PLEKHG3: variants seen among roughly 807,000 people sequenced by gnomAD.
PLEKHG3 encodes the protein pleckstrin homology domain-containing family G member 3.
In PLEKHG3, 62 loss-of-function variants were observed where a neutral mutation model predicts 94.9. That is an observed-to-expected ratio of 0.65 (90% CI 0.53 to 0.81). The LOEUF (loss-of-function observed/expected upper bound fraction) is 0.81. Among genes scored for constraint, PLEKHG3 ranks in the 30% least tolerant of loss-of-function variants. PLEKHG3 has a pLI of 0.00. For synonymous variants in PLEKHG3, 614 were observed against 654.0 expected (o/e 0.94, Z 0.93); for missense variants, 1,461 against 1,619.3 (o/e 0.90, Z 1.68).
intron 1 of PLEKHG3, among the ~76,000 whole-genome samples, chr14:64,709,600 T>A (rs1184348333): frequency 1.3e-5 from 2 of 152,104 alleles, no homozygotes; most frequent in Non-Finnish European, 2.9e-5. Flanking sequence ...GAGCTGGGAC[T>A]GGAAGGGAAA....
In PLEKHG3 at chr14:64,715,979, C is replaced by T. The variant is rs1324474790; in HGVS notation, c.-40+11275C>T. 4.4e-6 allele frequency: 2 copies of T among 451,958 alleles called. No individual in the cohort carries two copies. The highest frequency in any genetic ancestry group is 2.0e-5 in the African/African-American group (1 of 49,828). The allele number at this position is 451,958 out of a possible 1,614,324, so 28.0% of individuals were successfully genotyped here. ...ATTCCCGAGGCTGTTGGTGGCAGCT[C>T]GCTGCTCACCCCAAGCCTGTTAACT... On this transcript the variant is annotated intron_variant, in intron 1 of 16. Transcript: ENST00000247226. The surrounding 1 kb of genome is among the most constrained non-coding windows in gnomAD (Gnocchi z 4.4).
At chr14:64,707,240 C>G (rs573865235) in intron 1 of PLEKHG3, among the ~76,000 whole-genome samples, 5 of 152,314 alleles carry the variant, frequency 3.3e-5, no homozygotes, top group African/African-American at 1.2e-4. Context: ...CCCCAGCGGA[C>G]CTGGCAGATC....
Position 64,732,842 on chromosome 14 carries a change from A to C in PLEKHG3, c.1286A>C (p.Lys429Thr), listed in dbSNP as rs540503184. ...RYRCSPERLKKAWSSQDEVST... is the reference protein window; with the variant it reads ...RYRCSPERLKTAWSSQDEVST... ...CGCTGCAGCCCAGAGCGGCTGAAGAAGGCTTGGTCCTCCCAGGATGAGGTG... is the reference window on the plus strand; with the variant it reads ...CGCTGCAGCCCAGAGCGGCTGAAGACGGCTTGGTCCTCCCAGGATGAGGTG... Residue 429 changes from lysine to threonine, a missense_variant, in exon 12 of 17, where the codon AAG becomes ACG. Lys to Thr is a moderately conservative substitution (Grantham distance 78, BLOSUM62 -1). Transcript: ENST00000247226. This position sits in a 1 kb window ranked among gnomAD's most constrained non-coding sequence, Gnocchi z 4.9. 3 of 1,611,164 alleles carry C rather than the reference A, an allele frequency of 1.9e-6. No homozygotes were observed. The South Asian group carries it at 3.3e-5, about 18-fold the overall frequency.
In PLEKHG3 at chr14:64,743,019, G is replaced by A. The variant is rs1456061950; in HGVS notation, c.2976G>A (p.Glu992=). 6.2e-7 allele frequency: 1 copy of A among 1,613,014 alleles called. No homozygotes were observed. The highest frequency in any genetic ancestry group is 1.1e-5 in the South Asian group (1 of 91,084). ...CGGTGCTGTCTCTATTTGACTATGA[G>A]CAGCTGATGGCCCAGGAGCACAGCC... ...RKPVLSLFDY[E]QLMAQEHSPP... is the part of the protein sequence containing the mutation. The change falls in exon 17 of 17, where the codon GAG becomes GAA. Residue 992 remains glutamate (E), a synonymous_variant. Coordinates refer to ENST00000247226, the MANE Select transcript of PLEKHG3 (RefSeq NM_001308147.2). The surrounding 1 kb of genome is among the most constrained non-coding windows in gnomAD (Gnocchi z 7.2).
chr14:64,743,491 G>A lies in PLEKHG3; in HGVS notation c.3448G>A (p.Gly1150Arg). The change falls in exon 17 of 17, where the codon GGA (glycine) becomes AGA (arginine). Residue 1150 changes from glycine to arginine, a missense_variant. Gly to Arg is a moderately radical substitution (Grantham distance 125, BLOSUM62 -2). Coordinates refer to ENST00000247226, the MANE Select transcript of PLEKHG3 (RefSeq NM_001308147.2). The surrounding 1 kb of genome is among the most constrained non-coding windows in gnomAD (Gnocchi z 7.2). ...CCGGCGGGTGATTGTCATGGAGAAG[G>A]GACCCCTTCCCAGCCCCACTGCAGG... Reference protein sequence around the residue: ...DNRRVIVMEKGPLPSPTAGLE... With the variant: ...DNRRVIVMEKRPLPSPTAGLE... The A allele has an allele frequency of 1.2e-6, 2 of 1,613,188 alleles. No individual in the cohort carries two copies. The highest frequency in any genetic ancestry group is 1.6e-4 in the Middle Eastern group (1 of 6,062).
intron 1 of PLEKHG3, among the ~76,000 whole-genome samples, chr14:64,719,088 A>G (rs2081218788): frequency 6.6e-6 from 1 of 152,072 alleles, no homozygotes; most frequent in Non-Finnish European, 1.5e-5. Flanking sequence ...TGGGTGTCAG[A>G]CTACTTTTCC....
intron 12 of PLEKHG3, among the ~76,000 whole-genome samples, chr14:64,736,113 C>T (rs1017399645): frequency 6.6e-6 from 1 of 152,206 alleles, no homozygotes; most frequent in Non-Finnish European, 1.5e-5. Context: ...TCCCACTTAC[C>T]GCCAGCTGGG....
chr14:64,749,550 GC>G lies in PLEKHG3; in HGVS notation c.*5848del. On this transcript the variant is annotated 3_prime_UTR_variant, in exon 17 of 17. Transcript: ENST00000247226. This position sits in a 1 kb window ranked among gnomAD's most constrained non-coding sequence, Gnocchi z 4.7. ...CCCGGGCCAGGCAACAATGGTGGGGGCTCTTGGGACTGCCCCTTCTGAGGGG... is the reference window on the plus strand; with the variant it reads ...CCCGGGCCAGGCAACAATGGTGGGGGTCTTGGGACTGCCCCTTCTGAGGGG... The G allele has an allele frequency of 3.1e-6, 5 of 1,602,190 alleles. No individual in the cohort carries two copies. In the East Asian group the frequency reaches 1.1e-4, roughly 36 times the overall value.
Position 64,743,413 on chromosome 14 carries a change from C to T in PLEKHG3, c.3370C>T (p.Pro1124Ser). 6.2e-7 allele frequency: 1 copy of T among 1,610,932 alleles called. No individual in the cohort carries two copies. Among genetic ancestry groups the T allele is most frequent in the Non-Finnish European group, 8.5e-7 (1 of 1,178,426 alleles). The change falls in exon 17 of 17, where the codon CCG becomes TCG. Residue 1124 changes from proline (P) to serine (S), a missense_variant. Pro to Ser is a moderately conservative substitution (Grantham distance 74, BLOSUM62 -1). This residue lies in a region of PLEKHG3 where 1,201 missense variants were observed against 1,295.5 expected (regional missense o/e 0.93). Transcript: ENST00000247226. The surrounding 1 kb of genome is among the most constrained non-coding windows in gnomAD (Gnocchi z 7.2). ...QSPGPLPQSK[P>S]DGGETLYVTA... is the part of the protein sequence containing the mutation. ...CCCTGGGCCTCTGCCCCAGAGCAAG[C>T]CGGATGGAGGCGAGACCCTGTATGT...
At position 64,726,125 on chromosome 14, in the gene PLEKHG3, A is replaced by T. The variant is rs1446274970; in HGVS notation, c.-39-1468A>T. Among the ~76,000 whole-genome samples the T allele has an allele frequency of 6.6e-6, 1 of 151,980 alleles. No individual in the cohort carries two copies. Among genetic ancestry groups the T allele is most frequent in the African/African-American group, 2.4e-5 (1 of 41,342 alleles). ...GGATGTAAATTACATAGGTTGGGGG[A>T]TGGTACTGTATGGGGTGGATGGGGA... is the stretch of plus-strand genomic sequence containing the variant. On this transcript the variant is annotated intron_variant, in intron 1 of 16. Transcript: ENST00000247226. This position sits in a 1 kb window ranked among gnomAD's most constrained non-coding sequence, Gnocchi z 5.1.
chr14:64,734,160 C>T (rs1479497002), intron 12 of PLEKHG3, among the ~76,000 whole-genome samples: 1 of 152,140 alleles, frequency 6.6e-6, no homozygotes, highest in Non-Finnish European at 1.5e-5. Flanking sequence ...GTTGGTATTG[C>T]TCTGGGTGGA....
At chr14:64,740,198 T>C (rs1358613624) in intron 15 of PLEKHG3, among the ~76,000 whole-genome samples, 1 of 152,200 alleles carries the variant, frequency 6.6e-6, no homozygotes, top group Non-Finnish European at 1.5e-5. Flanking sequence ...GTGGCTCCCA[T>C]GTTGAACAGT....
chr14:64,722,663 A>C lies in PLEKHG3; in HGVS notation c.-39-4930A>C, dbSNP rs572717118. Among the ~76,000 whole-genome samples, 1 of 152,102 alleles carries C rather than the reference A, an allele frequency of 6.6e-6. No homozygotes were observed. The highest frequency in any genetic ancestry group is 1.9e-4 in the East Asian group (1 of 5,158). ...GGTGCGGTGTGGCTTCTCATTCTTG[A>C]GTGTGGGGTGAAGGGCAGTGGATGA... On this transcript the variant is annotated intron_variant, in intron 1 of 16. Transcript: ENST00000247226. This position sits in a 1 kb window ranked among gnomAD's most constrained non-coding sequence, Gnocchi z 4.3.
intron 12 of PLEKHG3, among the ~76,000 whole-genome samples, chr14:64,735,544 A>G (rs892092499): frequency 3.3e-5 from 5 of 152,262 alleles, no homozygotes; most frequent in African/African-American, 1.2e-4. Context: ...TGGAAGGCAG[A>G]GGTTGCAGTG....
At chr14:64,740,997 G>A (rs1198000465) in intron 15 of PLEKHG3, 39 bp from the exon 16 acceptor site, 6 of 1,493,256 alleles carry the variant, frequency 4.0e-6, no homozygotes, top group Non-Finnish European at 4.5e-6. Flanking sequence ...CCATGAAGGA[G>A]GCTTTTTACT....
chr14:64,715,795 C>T lies in PLEKHG3; in HGVS notation c.-40+11091C>T, dbSNP rs1020246916. The T allele has an allele frequency of 6.2e-5, 21 of 339,230 alleles. No homozygotes were observed. The highest frequency in any genetic ancestry group is 1.1e-4 in the South Asian group (5 of 47,094). 21.0% of individuals were successfully genotyped at this position (339,230 alleles called of 1,614,324 possible). On this transcript the variant is annotated intron_variant, in intron 1 of 16. Coordinates refer to ENST00000247226, the MANE Select transcript of PLEKHG3 (RefSeq NM_001308147.2). The surrounding 1 kb of genome is among the most constrained non-coding windows in gnomAD (Gnocchi z 4.4). ...GGCTGTGGCCTGGGTCCCTACCCAG[C>T]GGGGACCTGCAGAATTGTGTCGGGA...
intron 15 of PLEKHG3, among the ~76,000 whole-genome samples, chr14:64,740,325 C>T (rs1313001738): frequency 1.3e-5 from 2 of 152,326 alleles, no homozygotes; most frequent in South Asian, 2.1e-4. Flanking sequence ...TGGAAAGCCG[C>T]GTATGTCATC....
intron 12 of PLEKHG3, among the ~76,000 whole-genome samples, chr14:64,735,295 T>C (rs2081549061): frequency 2.0e-5 from 3 of 152,166 alleles, no homozygotes; most frequent in African/African-American, 7.2e-5. Context: ...TAGTAGCCCT[T>C]CTTCCCCTCC....
rs2081205760 is a variant in PLEKHG3 at position 64,718,406 on chromosome 14, T to A, written c.-39-9187T>A. Among the ~76,000 whole-genome samples the A allele has an allele frequency of 6.6e-6, 1 of 152,162 alleles. No homozygotes were observed. The highest frequency in any genetic ancestry group is 1.5e-5 in the Non-Finnish European group (1 of 68,018). On this transcript the variant is annotated intron_variant, in intron 1 of 16. Coordinates refer to ENST00000247226, the MANE Select transcript of PLEKHG3 (RefSeq NM_001308147.2). The surrounding 1 kb of genome is among the most constrained non-coding windows in gnomAD (Gnocchi z 5.0). Reference sequence around the variant, plus strand: ...ACTCCCATACTGCTCATGCCTGGATTCTCTCCCTCCTTTTCTTACAGATGC... The same window carrying A: ...ACTCCCATACTGCTCATGCCTGGATACTCTCCCTCCTTTTCTTACAGATGC...
Sources: gnomAD v4.1 joint callset for allele counts (sites outside exome capture counted in the v4.1 genomes callset) on GRCh38, gnomAD v4.1.1 for gene constraint, gnomAD v4.1.1 regional missense constraint, Gnocchi (gnomAD v3.1) non-coding constraint, MANE v1.5 for transcripts, NCBI Gene and HGNC (gene_info 2026-07-23, HGNC 2026-07-21) for gene names.